Variants in SHANK2 observed in about 807,000 individuals in gnomAD.
The protein encoded by SHANK2 is SH3 and multiple ankyrin repeat domains protein 2.
A neutral mutation model predicts 133.7 loss-of-function variants in SHANK2; 43 were observed. The ratio of observed to expected loss-of-function variants is 0.32; its 90% CI spans 0.25 to 0.41. The LOEUF (loss-of-function observed/expected upper bound fraction) is 0.41, where lower values mean the gene tolerates loss of function less well. Ranked by LOEUF, SHANK2 falls within the 10% of genes least tolerant of loss-of-function variation. The pLI, the probability that SHANK2 is intolerant of heterozygous loss-of-function variation, is 1.00. For synonymous variants in SHANK2, 1,017 were observed against 952.8 expected (o/e 1.07, Z -1.24); for missense variants, 1,994 against 2,235.8 (o/e 0.89, Z 2.18).
chr11:70,713,904 G>A (rs779471984), intron 14 of SHANK2, among the ~76,000 whole-genome samples: 5 of 152,246 alleles, frequency 3.3e-5, no homozygotes, highest in African/African-American at 7.2e-5. Flanking sequence ...GCACACCAGC[G>A]ATCTGTGCCA....
chr11:70,676,106 A>C (rs1299610173), intron 15 of SHANK2, among the ~76,000 whole-genome samples: 2 of 152,212 alleles, frequency 1.3e-5, no homozygotes, highest in East Asian at 3.8e-4. Flanking sequence ...ACCACTTCCA[A>C]GAGGACCTTA....
At chr11:70,723,046 G>A (rs1295193682) in intron 14 of SHANK2, among the ~76,000 whole-genome samples, 2 of 152,234 alleles carry the variant, frequency 1.3e-5, no homozygotes, top group East Asian at 1.9e-4. Context: ...ACAAAGCACC[G>A]TCAGACCCCA....
In SHANK2 at chr11:70,641,257, G is replaced by T. The variant is rs188885661; in HGVS notation, c.2061+18571C>A. 8.4e-3 allele frequency among the ~76,000 whole-genome samples: 1,283 copies of T among 152,050 alleles called. 5 individuals carry two copies. Among genetic ancestry groups the T allele is most frequent in the Non-Finnish European group, 0.014 (978 of 67,970 alleles). ...ACTACAGGCGCATGCCACCACGCCT[G>T]GATAATTTTTTTGTATTAGTAGAGA... On this transcript the variant is annotated intron_variant, in intron 17 of 25. Coordinates refer to ENST00000601538, the MANE Select transcript of SHANK2 (RefSeq NM_012309.5).
intron 14 of SHANK2, among the ~76,000 whole-genome samples, chr11:70,723,976 A>G (rs1190166721): frequency 6.6e-6 from 1 of 152,056 alleles, no homozygotes; most frequent in Non-Finnish European, 1.5e-5. Flanking sequence ...CACTTAAAAA[A>G]AAAAATCCCG....
chr11:70,524,807 G>A (rs2059375596), intron 17 of SHANK2, among the ~76,000 whole-genome samples: 1 of 152,230 alleles, frequency 6.6e-6, no homozygotes, highest in Non-Finnish European at 1.5e-5. Context: ...CAGTGCTCTG[G>A]AACATGTTGA....
At chr11:71,246,493 C>T (rs1446408557) in intron 1 of SHANK2, among the ~76,000 whole-genome samples, 1 of 152,112 alleles carries the variant, frequency 6.6e-6, no homozygotes, top group Non-Finnish European at 1.5e-5. Context: ...CATCACTGTC[C>T]CCAGGTAAGA....
At chr11:70,693,159 G>A (rs1440677729) in intron 15 of SHANK2, among the ~76,000 whole-genome samples, 2 of 152,058 alleles carry the variant, frequency 1.3e-5, no homozygotes, top group Admixed American at 1.3e-4. Flanking sequence ...TTGTTGCTTG[G>A]CCTGAATAAT....
intron 11 of SHANK2, among the ~76,000 whole-genome samples, chr11:70,889,561 G>C (rs1949806895): frequency 6.6e-6 from 1 of 152,234 alleles, no homozygotes; most frequent in Non-Finnish European, 1.5e-5. Context: ...CTGGTGCTGG[G>C]ACGTCCGGCA....
chr11:70,931,232 G>T (rs1464269308), intron 10 of SHANK2, among the ~76,000 whole-genome samples: 1 of 152,154 alleles, frequency 6.6e-6, no homozygotes, highest in African/African-American at 2.4e-5. Flanking sequence ...TTAAGGGGAG[G>T]CTAGTGATAG....
At chr11:71,131,987 A>C (rs1388734320) in intron 3 of SHANK2, among the ~76,000 whole-genome samples, 5 of 152,184 alleles carry the variant, frequency 3.3e-5, no homozygotes, top group Non-Finnish European at 5.9e-5. Flanking sequence ...AGGCCGAGCT[A>C]ATGAGTCCAA....
chr11:70,655,316 A>G (rs1322613734), intron 17 of SHANK2, among the ~76,000 whole-genome samples: 3 of 152,246 alleles, frequency 2.0e-5, no homozygotes, highest in African/African-American at 7.2e-5. Flanking sequence ...AAAGCACATC[A>G]AAGTGTTGTT....
intron 17 of SHANK2, among the ~76,000 whole-genome samples, chr11:70,561,536 T>C (rs1049515032): frequency 5.3e-5 from 8 of 151,782 alleles, no homozygotes; most frequent in South Asian, 2.1e-4. Context: ...TTGCTTGTTG[T>C]TGTTGTTGCT....
intron 14 of SHANK2, among the ~76,000 whole-genome samples, chr11:70,778,683 CCT>C (rs1475572264): frequency 2.0e-5 from 3 of 152,170 alleles, no homozygotes; most frequent in Non-Finnish European, 4.4e-5. Flanking sequence ...CCTGCCAGCC[CCT>C]GATCTGCAGC....
intron 17 of SHANK2, among the ~76,000 whole-genome samples, chr11:70,567,904 ACC>A (rs1554982219): frequency 1.3e-5 from 2 of 152,156 alleles, no homozygotes; most frequent in Non-Finnish European, 1.5e-5. Context: ...AGCTGCAGAC[ACC>A]CTATGTATTT....
intron 10 of SHANK2, among the ~76,000 whole-genome samples, chr11:70,936,505 C>CT (rs1950572805): frequency 1.3e-5 from 2 of 152,038 alleles, no homozygotes; most frequent in Admixed American, 6.6e-5. Context: ...GAGTGAAACT[C>CT]TGTCTTAAAA....
intron 17 of SHANK2, among the ~76,000 whole-genome samples, chr11:70,605,021 G>T (rs2060555925): frequency 6.6e-6 from 1 of 152,226 alleles, no homozygotes; most frequent in Non-Finnish European, 1.5e-5. Flanking sequence ...CTACAGTCAG[G>T]ACCAGATGGG....
At position 70,798,535 on chromosome 11, in the gene SHANK2, C is replaced by T. The variant is rs1947970577; in HGVS notation, c.1685G>A (p.Gly562Asp). Residue 562 changes from glycine (G) to aspartate (D), a missense_variant, in exon 14 of 26, where the codon GGC becomes GAC. This residue lies in a region of SHANK2 where 653 missense variants were observed against 563.4 expected (regional missense o/e 1.16). Transcript: ENST00000601538. ...RVKVLSIGEG[G>D]FWEGSARGHI... is the part of the protein sequence containing the mutation. ...GCCGCGGGCGCTGCCTTCCCAGAAG[C>T]CCCCTTCACCGATGCTCAGAACTAG... The T allele has an allele frequency of 1.4e-6, 1 of 718,610 alleles. No homozygotes were observed. Among genetic ancestry groups the T allele is most frequent in the African/African-American group, 1.7e-5 (1 of 57,384 alleles). The allele number at this position is 718,610 out of a possible 1,614,324, so 44.5% of individuals were successfully genotyped here. A position where few individuals can be genotyped will look rare whatever the true frequency, so the allele number is the denominator to read the frequency against.
chr11:71,073,121 CTTTTTGTTTTT>C (rs1951163899), intron 9 of SHANK2, among the ~76,000 whole-genome samples: 1 of 111,878 alleles, frequency 8.9e-6, no homozygotes, highest in Non-Finnish European at 2.1e-5. Flanking sequence ...GGAAGGCTTG[CTTTTTGTTTTT>C]TTTCTTTTTC....
In SHANK2 at chr11:71,175,774, G is replaced by A. The variant is rs1555113043; in HGVS notation, c.-12-28436C>T. Among the ~76,000 whole-genome samples, 1 of 152,132 alleles carries A rather than the reference G, an allele frequency of 6.6e-6. No homozygotes were observed. The highest frequency in any genetic ancestry group is 6.5e-5 in the Admixed American group (1 of 15,274). On this transcript the variant is annotated intron_variant, in intron 2 of 25. Coordinates refer to ENST00000601538, the MANE Select transcript of SHANK2 (RefSeq NM_012309.5). The surrounding 1 kb of genome is among the most constrained non-coding windows in gnomAD (Gnocchi z 4.2). ...CACAGGAGAGAGGAAATAATGAGGT[G>A]AGCCCTATGATGACTCCCAGCTTTC...
Sources: gnomAD v4.1 joint callset for allele counts (sites outside exome capture counted in the v4.1 genomes callset) on GRCh38, gnomAD v4.1.1 for gene constraint, gnomAD v4.1.1 regional missense constraint, Gnocchi (gnomAD v3.1) non-coding constraint, MANE v1.5 for transcripts, NCBI Gene and HGNC (gene_info 2026-07-23, HGNC 2026-07-21) for gene names.